KCNJ9: variants seen among roughly 807,000 people sequenced by gnomAD.
The protein encoded by KCNJ9 is potassium inwardly rectifying channel subfamily J member 9.
A neutral mutation model predicts 27.9 loss-of-function variants in KCNJ9; 18 were observed. The ratio of observed to expected loss-of-function variants is 0.65; its 90% CI spans 0.45 to 0.96. The LOEUF is 0.96. Among genes scored for constraint, KCNJ9 ranks in the 40% least tolerant of loss-of-function variants. KCNJ9 has a pLI of 0.00. For missense variants in KCNJ9, 324 were observed against 557.5 expected (o/e 0.58, Z 4.22); for synonymous variants, 229 against 248.2 (o/e 0.92, Z 0.73).
At position 160,084,477 on chromosome 1, in the gene KCNJ9, G is replaced by C; in HGVS notation, c.447G>C (p.Val149=). ...TGCAGGCCATCCTGGGCTCCATGGTGAACGCCTTCATGGTGGGCTGCATGT... is the reference window on the plus strand; with the variant it reads ...TGCAGGCCATCCTGGGCTCCATGGTCAACGCCTTCATGGTGGGCTGCATGT... ...LLLQAILGSM[V]NAFMVGCMFV... The change falls in exon 2 of 3, where the codon GTG becomes GTC. Residue 149 remains valine (V), a synonymous_variant. Coordinates refer to ENST00000368088, the MANE Select transcript of KCNJ9 (RefSeq NM_004983.3). The C allele has an allele frequency of 1.2e-6, 2 of 1,613,726 alleles. No homozygotes were observed. Among genetic ancestry groups the C allele is most frequent in the Non-Finnish European group, 1.7e-6 (2 of 1,179,952 alleles).
intron 1 of KCNJ9, among the ~76,000 whole-genome samples, chr1:160,083,467 ACTGGCTACAG>A (rs1649716529): frequency 6.6e-6 from 1 of 152,166 alleles, no homozygotes; most frequent in Admixed American, 6.5e-5. Context: ...TGGTGGCTGC[ACTGGCTACAG>A]CTGGGGAAGG....
In KCNJ9 at chr1:160,083,933, G is replaced by A; in HGVS notation, c.-98G>A. The A allele has an allele frequency of 1.8e-6, 2 of 1,126,528 alleles. No individual in the cohort carries two copies. Among genetic ancestry groups the A allele is most frequent in the Non-Finnish European group, 2.2e-6 (2 of 906,922 alleles). 69.8% of individuals were successfully genotyped at this position (1,126,528 alleles called of 1,614,324 possible). A position where few individuals can be genotyped will look rare whatever the true frequency, so the allele number is the denominator to read the frequency against. On this transcript the variant is annotated 5_prime_UTR_variant, in exon 2 of 3. Coordinates refer to ENST00000368088, the MANE Select transcript of KCNJ9 (RefSeq NM_004983.3). The stretch of plus-strand genomic sequence containing the variant: ...TTTATTAAGCCCCTCCAGGACCCCC[G>A]ACGCCGCCTAGGCGCCCAGCGACGC...
At position 160,084,189 on chromosome 1, in the gene KCNJ9, G is replaced by C; in HGVS notation, c.159G>C (p.Val53=). The change falls in exon 2 of 3, where the codon GTG becomes GTC. Residue 53 remains valine, a synonymous_variant. Transcript: ENST00000368088. ...RYLTDLFTTL[V]DLQWRLSLLF... ...TGACGGACCTGTTCACCACGCTGGT[G>C]GACCTGCAGTGGCGCCTCAGCCTGT... is the stretch of plus-strand genomic sequence containing the variant. 6.2e-7 allele frequency: 1 copy of C among 1,610,764 alleles called. No homozygotes were observed. Among genetic ancestry groups the C allele is most frequent in the South Asian group, 1.1e-5 (1 of 90,484 alleles).
Position 160,087,625 on chromosome 1 carries a change from A to G in KCNJ9, c.990A>G (p.Thr330=). ...TTCACGAGACTTTTGAGGTGCCCAC[A>G]CCTTCGTGCAGTGCTCGAGAGCTGG... The part of the protein sequence containing the change: ...ASFHETFEVP[T]PSCSARELAE... The change falls in exon 3 of 3, where the codon ACA becomes ACG. Residue 330 remains threonine (T), a synonymous_variant. Coordinates refer to ENST00000368088, the MANE Select transcript of KCNJ9 (RefSeq NM_004983.3). 1 of 1,612,978 alleles carries G rather than the reference A, an allele frequency of 6.2e-7. No individual in the cohort carries two copies. The highest frequency in any genetic ancestry group is 8.5e-7 in the Non-Finnish European group (1 of 1,179,780).
chr1:160,087,905 G>A lies in KCNJ9; in HGVS notation c.*88G>A. The A allele has an allele frequency of 8.0e-7, 1 of 1,253,728 alleles. No individual in the cohort carries two copies. Among genetic ancestry groups the A allele is most frequent in the Admixed American group, 3.2e-5 (1 of 31,008 alleles). 77.7% of individuals were successfully genotyped at this position (1,253,728 alleles called of 1,614,324 possible). ...TATCGGAGGTGGTGGAGGAGGAGGA[G>A]GAGGAGGAAGGCAAAGCCCCTGGAA... is the stretch of plus-strand genomic sequence containing the variant. On this transcript the variant is annotated 3_prime_UTR_variant, in exon 3 of 3. Coordinates refer to ENST00000368088, the MANE Select transcript of KCNJ9 (RefSeq NM_004983.3).
chr1:160,088,072 A>T lies in KCNJ9; in HGVS notation c.*255A>T, dbSNP rs1219240829. On this transcript the variant is annotated 3_prime_UTR_variant, in exon 3 of 3. Coordinates refer to ENST00000368088, the MANE Select transcript of KCNJ9 (RefSeq NM_004983.3). ...CTGTGTTTGACCTTCACATTTGTTC[A>T]TGAGTGGATGGATGGACAGAATGAT... The T allele has an allele frequency of 2.5e-6, 1 of 398,698 alleles. No homozygotes were observed. Among genetic ancestry groups the T allele is most frequent in the African/African-American group, 2.0e-5 (1 of 48,832 alleles). The allele number at this position is 398,698 out of a possible 1,614,324, so 24.7% of individuals were successfully genotyped here.
At chr1:160,087,236 T>C (rs1649791807) in intron 2 of KCNJ9, among the ~76,000 whole-genome samples, 4 of 152,058 alleles carry the variant, frequency 2.6e-5, no homozygotes, top group African/African-American at 9.7e-5. Flanking sequence ...CTTTTTTTGG[T>C]TGGCATCACC....
chr1:160,087,640 T>C lies in KCNJ9; in HGVS notation c.1005T>C (p.Ala335=). The C allele has an allele frequency of 1.2e-6, 2 of 1,611,382 alleles. No homozygotes were observed. Among genetic ancestry groups the C allele is most frequent in the South Asian group, 2.2e-5 (2 of 90,976 alleles). ...TFEVPTPSCS[A]RELAEAAARL... ...AGGTGCCCACACCTTCGTGCAGTGCTCGAGAGCTGGCAGAGGCTGCCGCCC... is the reference window on the plus strand; with the variant it reads ...AGGTGCCCACACCTTCGTGCAGTGCCCGAGAGCTGGCAGAGGCTGCCGCCC... The change falls in exon 3 of 3, where the codon GCT becomes GCC. Residue 335 remains alanine (A), a synonymous_variant. Transcript: ENST00000368088.
intron 1 of KCNJ9, among the ~76,000 whole-genome samples, chr1:160,083,369 G>A (rs1649714074): frequency 6.6e-6 from 1 of 152,210 alleles, no homozygotes; most frequent in Admixed American, 6.5e-5. Flanking sequence ...GAATGGAGCG[G>A]AGTGAGTGAG....
chr1:160,084,969 T>G, intron 2 of KCNJ9, 89 bp downstream of exon 2: 1 of 1,362,842 alleles, frequency 7.3e-7, no homozygotes, highest in Non-Finnish European at 9.8e-7. Context: ...CCAGGGGAGC[T>G]GGGGAGGATG....
intron 2 of KCNJ9, 67 bp downstream of exon 2, chr1:160,084,947 C>A: frequency 6.9e-7 from 1 of 1,448,358 alleles, no homozygotes; most frequent in Non-Finnish European, 9.2e-7. Context: ...AAGGCAGGGG[C>A]GAGACTAGGG....
intron 2 of KCNJ9, among the ~76,000 whole-genome samples, chr1:160,085,651 A>G (rs1401970233): frequency 6.6e-6 from 1 of 152,194 alleles, no homozygotes; most frequent in African/African-American, 2.4e-5. Flanking sequence ...AATAAGTCCA[A>G]CCCAGACCTA....
intron 1 of KCNJ9, among the ~76,000 whole-genome samples, 187 bp from the exon 2 acceptor site, chr1:160,083,729 CA>C (rs1379860417): frequency 6.6e-6 from 1 of 152,208 alleles, no homozygotes; most frequent in East Asian, 1.9e-4. Flanking sequence ...TCAGGTACAT[CA>C]TTCCATTTGA....
chr1:160,086,776 G>C (rs748994690), intron 2 of KCNJ9, among the ~76,000 whole-genome samples: 7 of 152,290 alleles, frequency 4.6e-5, no homozygotes, highest in African/African-American at 1.7e-4. Flanking sequence ...TCTTATGCAC[G>C]GAGCAGGCCA....
At chr1:160,085,828 C>T (rs1649767521) in intron 2 of KCNJ9, among the ~76,000 whole-genome samples, 1 of 152,232 alleles carries the variant, frequency 6.6e-6, no homozygotes, top group South Asian at 2.1e-4. Flanking sequence ...GACGCCAGAG[C>T]TGCTGATGCT....
chr1:160,087,192 C>A (rs190686655), intron 2 of KCNJ9, among the ~76,000 whole-genome samples: 1 of 152,094 alleles, frequency 6.6e-6, no homozygotes, highest in Admixed American at 6.5e-5. Context: ...AGAAGTTGGA[C>A]TAGAGGATCC....
intron 1 of KCNJ9, among the ~76,000 whole-genome samples, chr1:160,082,278 G>T (rs1407689955): frequency 1.3e-5 from 2 of 152,152 alleles, no homozygotes; most frequent in African/African-American, 2.4e-5. Flanking sequence ...ATGACCTGGG[G>T]TCTCTGAGCC....
At position 160,084,815 on chromosome 1, in the gene KCNJ9, G is replaced by C; in HGVS notation, c.785G>C (p.Arg262Pro). 6.5e-7 allele frequency: 1 copy of C among 1,550,156 alleles called. No homozygotes were observed. Among genetic ancestry groups the C allele is most frequent in the Non-Finnish European group, 8.7e-7 (1 of 1,147,168 alleles). Residue 262 changes from arginine to proline, a missense_variant, in exon 2 of 3, where the codon CGC (arginine) becomes CCC (proline). Arg to Pro is a moderately radical substitution (Grantham distance 103). Transcript: ENST00000368088. ...GCCAGCCCCTTCTGGGAGGCGTCGC[G>C]CCGTGCCCTCGAGAGGGACGACTTC... ...DAASPFWEAS[R>P]RALERDDFEI...
intron 2 of KCNJ9, 36 bp from the exon 3 acceptor site, chr1:160,087,450 G>A: frequency 6.4e-7 from 1 of 1,556,554 alleles, no homozygotes. Flanking sequence ...GAAGCCTGGA[G>A]CTGAGATTCC....
Sources: gnomAD v4.1 joint callset for allele counts (sites outside exome capture counted in the v4.1 genomes callset) on GRCh38, gnomAD v4.1.1 for gene constraint, MANE v1.5 for transcripts, NCBI Gene and HGNC (gene_info 2026-07-23, HGNC 2026-07-21) for gene names.